Variants in ITGA9 observed in about 807,000 individuals in gnomAD.
ITGA9 encodes integrin alpha-9.
ITGA9 carries 56 observed loss-of-function variants against 127.8 expected under a neutral mutation model. The ratio of observed to expected loss-of-function variants is 0.44; its 90% CI spans 0.35 to 0.55. The LOEUF (loss-of-function observed/expected upper bound fraction) is 0.55. ITGA9 is among the 20% of genes least tolerant of loss of function. The probability of loss-of-function intolerance (pLI) is 0.00; values close to 1 mark genes in which losing one functional copy is unlikely to be tolerated. For missense variants in ITGA9, 1,196 were observed against 1,347.1 expected, an observed-to-expected ratio of 0.89 and a Z score of 1.76; for synonymous variants, 508 against 514.5, an observed-to-expected ratio of 0.99 and a Z score of 0.17.
chr3:37,675,123 A>T (rs1700669134), intron 17 of ITGA9, among the ~76,000 whole-genome samples: 1 of 152,190 alleles, frequency 6.6e-6, no homozygotes, highest in South Asian at 2.1e-4. Context: ...ACTAGTAACT[A>T]TATCTCTTTG....
chr3:37,561,548 G>A (rs1377859650), intron 15 of ITGA9, among the ~76,000 whole-genome samples: 1 of 152,184 alleles, frequency 6.6e-6, no homozygotes, highest in East Asian at 1.9e-4. Flanking sequence ...AAGTTAAGAA[G>A]CATGGTTCTG....
At chr3:37,478,296 C>T (rs1023632360) in intron 3 of ITGA9, among the ~76,000 whole-genome samples, 3 of 152,148 alleles carry the variant, frequency 2.0e-5, no homozygotes, top group Admixed American at 6.5e-5. Flanking sequence ...ATGGCAGGTG[C>T]GAATGTAGGA....
intron 16 of ITGA9, among the ~76,000 whole-genome samples, chr3:37,638,155 G>C (rs2125639691): frequency 6.6e-6 from 1 of 152,216 alleles, no homozygotes; most frequent in Admixed American, 6.5e-5. Context: ...ATAATGTCTA[G>C]ATCTGATAAA....
intron 6 of ITGA9, among the ~76,000 whole-genome samples, chr3:37,503,651 C>T (rs1342506489): frequency 1.3e-5 from 2 of 152,162 alleles, no homozygotes; most frequent in East Asian, 1.9e-4. Context: ...TTTCCACGGG[C>T]GTCCCTTTGG....
intron 11 of ITGA9, among the ~76,000 whole-genome samples, chr3:37,522,413 A>T (rs566429971): frequency 1.3e-5 from 2 of 152,304 alleles, no homozygotes; most frequent in South Asian, 4.2e-4. Flanking sequence ...GCCTGTGTGG[A>T]TATGTGATGA....
chr3:37,454,513 G>C (rs974149112), intron 1 of ITGA9, among the ~76,000 whole-genome samples: 1 of 152,164 alleles, frequency 6.6e-6, no homozygotes, highest in Admixed American at 6.5e-5. Flanking sequence ...GTTGAGATGT[G>C]GGACTGGTAT....
intron 3 of ITGA9, among the ~76,000 whole-genome samples, chr3:37,474,169 G>T: frequency 6.6e-6 from 1 of 152,144 alleles, no homozygotes; most frequent in Admixed American, 6.5e-5. Context: ...TAGGTGCTTT[G>T]AGGGAGATAG....
intron 23 of ITGA9, among the ~76,000 whole-genome samples, chr3:37,766,004 T>C (rs1181362662): frequency 1.3e-5 from 2 of 152,164 alleles, no homozygotes; most frequent in Non-Finnish European, 2.9e-5. Context: ...AAGTTGGTGG[T>C]GAGGAGTTTG....
chr3:37,801,833 T>C (rs575065926), intron 26 of ITGA9, among the ~76,000 whole-genome samples: 10 of 152,256 alleles, frequency 6.6e-5, no homozygotes, highest in African/African-American at 2.2e-4. Context: ...ATGAGAAAAC[T>C]GAGGCTCAGA....
At chr3:37,493,992 G>A (rs197751) in intron 4 of ITGA9, among the ~76,000 whole-genome samples, 86 of 152,240 alleles carry the variant, frequency 5.6e-4, no homozygotes, top group African/African-American at 1.9e-3. Context: ...TAGTGTAACC[G>A]AATGCCAGAG....
At chr3:37,546,742 C>A (rs75210829) in intron 15 of ITGA9, among the ~76,000 whole-genome samples, 2,016 of 152,200 alleles carry the variant, frequency 0.013, 30 homozygotes, top group African/African-American at 0.036. Context: ...GTGGGGCCTG[C>A]TTGCCTCTGT....
intron 16 of ITGA9, among the ~76,000 whole-genome samples, chr3:37,638,741 A>G (rs1700304694): frequency 6.6e-6 from 1 of 152,210 alleles, no homozygotes; most frequent in South Asian, 2.1e-4. Context: ...GGTGGATCAA[A>G]TCATGATGAC....
chr3:37,690,967 A>G (rs1700826020), intron 18 of ITGA9, among the ~76,000 whole-genome samples: 2 of 152,196 alleles, frequency 1.3e-5, no homozygotes, highest in African/African-American at 2.4e-5. Context: ...GGGCAACACT[A>G]GGAAGAGTAA....
chr3:37,772,008 G>A (rs1182211911), intron 23 of ITGA9, among the ~76,000 whole-genome samples: 1 of 152,154 alleles, frequency 6.6e-6, no homozygotes, highest in African/African-American at 2.4e-5. Context: ...GATGTCTGCA[G>A]CTGTGTGACG....
At chr3:37,472,395 T>TTTTG (rs923351711) in intron 2 of ITGA9, among the ~76,000 whole-genome samples, 3 of 152,282 alleles carry the variant, frequency 2.0e-5, no homozygotes, top group Admixed American at 6.5e-5. Flanking sequence ...TTTTGTTGTT[T>TTTTG]TTTGTTTGTT....
intron 23 of ITGA9, among the ~76,000 whole-genome samples, chr3:37,775,874 A>C (rs1245870885): frequency 6.6e-6 from 1 of 152,198 alleles, no homozygotes; most frequent in Non-Finnish European, 1.5e-5. Flanking sequence ...GTAAAGACAC[A>C]TGCACATGAA....
chr3:37,507,320 G>T (rs180865279), intron 7 of ITGA9, among the ~76,000 whole-genome samples: 1 of 152,106 alleles, frequency 6.6e-6, no homozygotes, highest in Non-Finnish European at 1.5e-5. Context: ...GCGGGCTACC[G>T]GGCATCTCTG....
chr3:37,712,857 A>G (rs1375066908), intron 18 of ITGA9, among the ~76,000 whole-genome samples: 1 of 152,152 alleles, frequency 6.6e-6, no homozygotes, highest in Non-Finnish European at 1.5e-5. Context: ...ATGGCTCCCC[A>G]GAGGGAAGGG....
intron 4 of ITGA9, among the ~76,000 whole-genome samples, chr3:37,493,397 G>T (rs1579062649): frequency 6.6e-6 from 1 of 152,170 alleles, no homozygotes; most frequent in Admixed American, 6.5e-5. Context: ...GGGTCACTGG[G>T]GTAGCCCCAG....
Sources: gnomAD v4.1 joint callset for allele counts (sites outside exome capture counted in the v4.1 genomes callset) on GRCh38, gnomAD v4.1.1 for gene constraint, MANE v1.5 for transcripts, NCBI Gene and HGNC (gene_info 2026-07-23, HGNC 2026-07-21) for gene names.